TRMT9B: variants seen among roughly 807,000 people sequenced by gnomAD.
The protein encoded by TRMT9B is tRNA methyltransferase 9B (putative).
TRMT9B carries 16 observed loss-of-function variants against 11.5 expected under a neutral mutation model. The ratio of observed to expected loss-of-function variants is 1.39; its 90% CI spans 0.94 to 2.11. The LOEUF is 2.11. Ranked by LOEUF, TRMT9B falls within the 30% of genes most tolerant of loss-of-function variation. The probability of loss-of-function intolerance (pLI) is 0.00; values close to 1 mark genes in which losing one functional copy is unlikely to be tolerated. For missense variants in TRMT9B, 941 were observed against 553.8 expected, an observed-to-expected ratio of 1.70 and a Z score of -7.02; for synonymous variants, 274 against 192.4, an observed-to-expected ratio of 1.42 and a Z score of -3.51.
intron 2 of TRMT9B, among the ~76,000 whole-genome samples, chr8:12,991,413 A>G (rs1343120738): frequency 1.3e-5 from 2 of 152,250 alleles, no homozygotes; most frequent in African/African-American, 2.4e-5. Flanking sequence ...TTTTGTAATT[A>G]GGTCTTTTTT....
rs1261524007 is a variant in TRMT9B at position 13,029,343 on chromosome 8, G to A, written c.*7299G>A. 1.8e-5 allele frequency: 3 copies of A among 167,128 alleles called. No individual in the cohort carries two copies. The highest frequency in any genetic ancestry group is 4.4e-5 in the Non-Finnish European group (3 of 68,100). 10.4% of individuals were successfully genotyped at this position (167,128 alleles called of 1,614,324 possible). On this transcript the variant is annotated 3_prime_UTR_variant, in exon 5 of 5. Transcript: ENST00000524591. ...CTTTTCCCAGGGGAAGCTAGCAATAGTTTTAAAAGCACAAAGTGATGTAAA... is the reference window on the plus strand; with the variant it reads ...CTTTTCCCAGGGGAAGCTAGCAATAATTTTAAAAGCACAAAGTGATGTAAA...
chr8:13,009,326 T>C (rs1811136991), intron 3 of TRMT9B, among the ~76,000 whole-genome samples: 1 of 150,802 alleles, frequency 6.6e-6, no homozygotes, highest in Non-Finnish European at 1.5e-5. Flanking sequence ...CAGAAGGAAT[T>C]AAATTCAAAG....
At chr8:13,007,573 T>A (rs1468321109) in intron 3 of TRMT9B, 2 of 152,160 alleles carry the variant, frequency 1.3e-5, no homozygotes, top group African/African-American at 4.8e-5. Flanking sequence ...TAATGTGGAA[T>A]CTGGGGAAGG....
At chr8:12,996,546 C>G (rs113440460) in intron 2 of TRMT9B, among the ~76,000 whole-genome samples, 21 of 152,324 alleles carry the variant, frequency 1.4e-4, no homozygotes, top group African/African-American at 4.6e-4. Flanking sequence ...ACCCAGTGAT[C>G]TCCAATTTCT....
At chr8:12,990,681 A>G (rs1289805276) in intron 1 of TRMT9B, among the ~76,000 whole-genome samples, 153 bp from the exon 2 acceptor site, 2 of 152,224 alleles carry the variant, frequency 1.3e-5, no homozygotes. Flanking sequence ...AACTGCTCTT[A>G]TAATTCTGGC....
At chr8:12,966,091 C>A (rs1802776418) in intron 1 of TRMT9B, among the ~76,000 whole-genome samples, 1 of 150,112 alleles carries the variant, frequency 6.7e-6, no homozygotes, top group South Asian at 2.1e-4. Flanking sequence ...TTTGGGAGAC[C>A]AAGGTAGAAG....
rs1259981032 is a variant in TRMT9B at position 13,022,243 on chromosome 8, G to C, written c.*199G>C. Reference sequence around the variant, plus strand: ...TGGCATTGAAAGCACTTGACAAAGGGTATTTGTGCTTAAATGTTAATATAC... The same window carrying C: ...TGGCATTGAAAGCACTTGACAAAGGCTATTTGTGCTTAAATGTTAATATAC... On this transcript the variant is annotated 3_prime_UTR_variant, in exon 5 of 5. Transcript: ENST00000524591. 4.0e-6 allele frequency: 2 copies of C among 503,476 alleles called. No individual in the cohort carries two copies. The highest frequency in any genetic ancestry group is 5.2e-4 in the Middle Eastern group (1 of 1,932). 31.2% of individuals were successfully genotyped at this position (503,476 alleles called of 1,614,324 possible).
chr8:13,011,997 C>T (rs1427433030), intron 3 of TRMT9B: 30 of 985,196 alleles, frequency 3.0e-5, no homozygotes, highest in Non-Finnish European at 3.5e-5. Context: ...AAAGCCGAAA[C>T]ATGCGTATAT....
At chr8:13,020,422 C>T (rs1230932837) in intron 4 of TRMT9B, among the ~76,000 whole-genome samples, 2 of 152,146 alleles carry the variant, frequency 1.3e-5, no homozygotes, top group African/African-American at 4.8e-5. Context: ...ATGATGTATA[C>T]ATTGATTTTT....
chr8:12,985,762 C>T (rs990326720), intron 1 of TRMT9B, among the ~76,000 whole-genome samples: 1 of 152,116 alleles, frequency 6.6e-6, no homozygotes, highest in South Asian at 2.1e-4. Flanking sequence ...TGTGATCCTT[C>T]CTCCTCTAGT....
chr8:12,991,797 G>C (rs191755077), intron 2 of TRMT9B, among the ~76,000 whole-genome samples: 340 of 152,142 alleles, frequency 2.2e-3, no homozygotes, highest in African/African-American at 7.9e-3. Context: ...CAGGCGTGGT[G>C]GTGGGCGCCT....
At chr8:12,961,470 G>A (rs1274267204) in intron 1 of TRMT9B, among the ~76,000 whole-genome samples, 1 of 151,882 alleles carries the variant, frequency 6.6e-6, no homozygotes, top group African/African-American at 2.4e-5. Context: ...GGGAGGCCGA[G>A]GTGGGCGGAT....
Position 13,019,317 on chromosome 8 carries a change from C to T in TRMT9B, c.329-1691C>T, listed in dbSNP as rs149825094. Reference sequence around the variant, plus strand: ...ATATAGATACATATATTTGAGACAGCGTCTCACTCTGTTGGCCAGACTGGA... The same window carrying T: ...ATATAGATACATATATTTGAGACAGTGTCTCACTCTGTTGGCCAGACTGGA... On this transcript the variant is annotated intron_variant, in intron 4 of 4. Transcript: ENST00000524591. Among the ~76,000 whole-genome samples the T allele has an allele frequency of 1.4e-4, 22 of 152,238 alleles. 1 individual carries two copies. Among genetic ancestry groups the T allele is most frequent in the Non-Finnish European group, 1.9e-4 (13 of 68,018 alleles).
intron 1 of TRMT9B, among the ~76,000 whole-genome samples, chr8:12,959,186 A>G (rs1420972998): frequency 6.6e-6 from 1 of 152,136 alleles, no homozygotes; most frequent in East Asian, 1.9e-4. Context: ...AGGTCTAACA[A>G]CTACACCTTG....
intron 1 of TRMT9B, among the ~76,000 whole-genome samples, chr8:12,988,459 CTG>C (rs1271757960): frequency 6.6e-6 from 1 of 152,156 alleles, no homozygotes; most frequent in Non-Finnish European, 1.5e-5. Context: ...ATACCCGAGA[CTG>C]TGTAATTTAT....
At chr8:12,998,052 G>A (rs1808700011) in intron 2 of TRMT9B, among the ~76,000 whole-genome samples, 1 of 152,160 alleles carries the variant, frequency 6.6e-6, no homozygotes, top group Non-Finnish European at 1.5e-5. Flanking sequence ...CCATTATGAA[G>A]TGTCTGTTAA....
Position 13,024,435 on chromosome 8 carries a change from T to C in TRMT9B, c.*2391T>C, listed in dbSNP as rs924479889. 1 of 167,120 alleles carries C rather than the reference T, an allele frequency of 6.0e-6. No homozygotes were observed. Among genetic ancestry groups the C allele is most frequent in the African/African-American group, 2.4e-5 (1 of 41,462 alleles). The allele number at this position is 167,120 out of a possible 1,614,324, so 10.4% of individuals were successfully genotyped here. A position where few individuals can be genotyped will look rare whatever the true frequency, so the allele number is the denominator to read the frequency against. ...AAGATTCTCAGAGTCAAAATGGTCTTACAACTCGGGCTTGACGGCCTTTGA... is the reference window on the plus strand; with the variant it reads ...AAGATTCTCAGAGTCAAAATGGTCTCACAACTCGGGCTTGACGGCCTTTGA... On this transcript the variant is annotated 3_prime_UTR_variant, in exon 5 of 5. Transcript: ENST00000524591.
rs753205236 is a variant in TRMT9B at position 13,021,310 on chromosome 8, C to G, written c.631C>G (p.Arg211Gly). Residue 211 changes from arginine (R) to glycine (G), a missense_variant, in exon 5 of 5, where the codon CGG becomes GGG. Arg to Gly is a moderately radical substitution (Grantham distance 125). Coordinates refer to ENST00000524591, the MANE Select transcript of TRMT9B (RefSeq NM_020844.3). The part of the protein sequence containing the change: ...VCFKEQCGSK[R>G]SHSVGYEPAM... ...TTTTAAAGAGCAGTGTGGTTCAAAA[C>G]GGTCCCACAGCGTGGGCTATGAACC... 2 of 1,613,896 alleles carry G rather than the reference C, an allele frequency of 1.2e-6. No individual in the cohort carries two copies. The highest frequency in any genetic ancestry group is 1.3e-5 in the African/African-American group (1 of 74,928).
chr8:13,007,587 GCATGTCA>G (rs1810722509), intron 3 of TRMT9B: 4 of 152,186 alleles, frequency 2.6e-5, no homozygotes, highest in Admixed American at 2.6e-4. Context: ...GGGAAGGGGT[GCATGTCA>G]CATGGAAATT....
Sources: allele counts gnomAD v4.1 joint callset (sites outside exome capture counted in the v4.1 genomes callset), GRCh38; gene constraint gnomAD v4.1.1; transcripts MANE v1.5; gene names NCBI Gene and HGNC (gene_info 2026-07-23, HGNC 2026-07-21).